The following AUTS2 variants were observed in gnomAD, a reference collection of about 807,000 sequenced individuals.
AUTS2 encodes the protein activator of transcription and developmental regulator AUTS2.
A neutral mutation model predicts 112.4 loss-of-function variants in AUTS2; 17 were observed. The observed-to-expected ratio is 0.15, with a 90% CI of 0.10 to 0.23. The LOEUF (loss-of-function observed/expected upper bound fraction) is 0.23, where lower values mean the gene tolerates loss of function less well. Among genes scored for constraint, AUTS2 ranks in the 10% least tolerant of loss-of-function variants. The probability of loss-of-function intolerance (pLI) is 1.00; values close to 1 mark genes in which losing one functional copy is unlikely to be tolerated. For synonymous variants in AUTS2, 751 were observed against 702.7 expected, an observed-to-expected ratio of 1.07 and a Z score of -1.09; for missense variants, 1,510 against 1,701.6, an observed-to-expected ratio of 0.89 and a Z score of 1.98.
intron 10 of AUTS2, among the ~76,000 whole-genome samples, chr7:70,770,938 T>C (rs1220229969): frequency 6.6e-6 from 1 of 152,200 alleles, no homozygotes; most frequent in Non-Finnish European, 1.5e-5. Context: ...CGAGTCGTTT[T>C]ATTTTACCCT....
At chr7:70,698,419 C>A in intron 5 of AUTS2, 150 bp from the exon 6 acceptor site, 1 of 633,472 alleles carries the variant, frequency 1.6e-6, no homozygotes, top group Non-Finnish European at 2.7e-6. Flanking sequence ...AGTCAACTAG[C>A]ACCACCTTAT....
rs533738605 is a variant in AUTS2, at chr7:70,273,617, C to T, written c.660+139046C>T. The stretch of plus-strand genomic sequence containing the variant: ...ATCAAGTATAGTCACTTAATTGACA[C>T]GTGCAGTTTTAAAAATTATAGTCAC... On this transcript the variant is annotated intron_variant, in intron 4 of 18. Transcript: ENST00000342771. 3.3e-5 allele frequency among the ~76,000 whole-genome samples: 5 copies of T among 152,050 alleles called. No individual in the cohort carries two copies. In the South Asian group the frequency reaches 6.2e-4, roughly 19 times the overall value.
At chr7:69,783,088 C>CTTT (rs398047755) in intron 1 of AUTS2, among the ~76,000 whole-genome samples, 91 of 85,020 alleles carry the variant, frequency 1.1e-3, no homozygotes, top group Middle Eastern at 8.9e-3. Flanking sequence ...TGCTGCTCAT[C>CTTT]TTTTTTTTTT....
chr7:69,699,258 A>G (rs901114901), intron 1 of AUTS2, among the ~76,000 whole-genome samples: 1 of 152,186 alleles, frequency 6.6e-6, no homozygotes. Context: ...ATTAAGAAGT[A>G]TATAGAGGAA....
intron 4 of AUTS2, among the ~76,000 whole-genome samples, chr7:70,260,461 T>C (rs1787108362): frequency 2.0e-5 from 3 of 152,012 alleles, no homozygotes; most frequent in Admixed American, 2.0e-4. Flanking sequence ...GGGCTGGGGC[T>C]GCATCTGGTG....
At chr7:69,833,147 A>G (rs555136063) in intron 1 of AUTS2, among the ~76,000 whole-genome samples, 1 of 152,158 alleles carries the variant, frequency 6.6e-6, no homozygotes, top group South Asian at 2.1e-4. Flanking sequence ...GTGGTATGGT[A>G]GGTCTGGAAA....
chr7:69,999,448 T>C (rs991058035), intron 2 of AUTS2, among the ~76,000 whole-genome samples: 6 of 152,210 alleles, frequency 3.9e-5, no homozygotes, highest in Non-Finnish European at 8.8e-5. Flanking sequence ...AAAAAGGATA[T>C]GACTAACACA....
chr7:70,399,755 AT>A (rs781631721), intron 4 of AUTS2, among the ~76,000 whole-genome samples: 13,943 of 116,484 alleles, frequency 0.12, 723 homozygotes, highest in Middle Eastern at 0.22. Context: ...GGGTAAAAAA[AT>A]AAAATAAAAT....
intron 2 of AUTS2, among the ~76,000 whole-genome samples, chr7:69,940,322 G>A (rs1372446572): frequency 6.6e-6 from 1 of 152,200 alleles, no homozygotes; most frequent in African/African-American, 2.4e-5. Context: ...GGAAGAGGAA[G>A]GCTGGGAAGG....
At chr7:70,030,606 G>A (rs539237264) in intron 2 of AUTS2, among the ~76,000 whole-genome samples, 1 of 152,128 alleles carries the variant, frequency 6.6e-6, no homozygotes, top group East Asian at 1.9e-4. Context: ...AATTAGACAA[G>A]GACTAGCCTT....
chr7:70,103,815 C>G (rs1186122035), intron 2 of AUTS2, among the ~76,000 whole-genome samples: 1 of 151,400 alleles, frequency 6.6e-6, no homozygotes, highest in Admixed American at 6.6e-5. Context: ...GAGGCTGAGG[C>G]AGGAGAATCG....
At chr7:69,839,614 A>G (rs1791882714) in intron 1 of AUTS2, among the ~76,000 whole-genome samples, 1 of 152,186 alleles carries the variant, frequency 6.6e-6, no homozygotes, top group Admixed American at 6.5e-5. Flanking sequence ...TTAGAGAGTT[A>G]CAAGAAAACC....
At chr7:70,605,546 C>CTTTTTTTTTTT in intron 5 of AUTS2, among the ~76,000 whole-genome samples, 51 of 70,656 alleles carry the variant, frequency 7.2e-4, no homozygotes, top group East Asian at 1.9e-3. Context: ...CCTTCTTTCT[C>CTTTTTTTTTTT]TTTTTTTTTT....
In AUTS2 at chr7:70,760,252, G is replaced by A. The variant is rs573725207; in HGVS notation, c.743-2618G>A. 1.7e-4 allele frequency among the ~76,000 whole-genome samples: 26 copies of A among 152,280 alleles called. No homozygotes were observed. In the East Asian group the frequency reaches 3.1e-3, roughly 18 times the overall value. On this transcript the variant is annotated intron_variant, in intron 6 of 18. Transcript: ENST00000342771. ...GATCTCCTGACCTCGTGATCCGCCC[G>A]CCTTGGCCTCCCAAAGTGCTGGGAT...
chr7:70,778,975 C>T (rs1390151153), intron 14 of AUTS2, among the ~76,000 whole-genome samples: 2 of 152,166 alleles, frequency 1.3e-5, no homozygotes, highest in Non-Finnish European at 2.9e-5. Context: ...CTTTCATTAT[C>T]CCAATTCAAT....
rs978507633 is a variant in AUTS2, at chr7:70,741,417, C to A, written c.743-21453C>A. On this transcript the variant is annotated intron_variant, in intron 6 of 18. Transcript: ENST00000342771. ...ATGGTTAAGAAATAAATAGGCCGGG[C>A]GCGGTGGCTTACGCCTGTAATTCCA... 2.6e-5 allele frequency among the ~76,000 whole-genome samples: 4 copies of A among 151,782 alleles called. No homozygotes were observed. In the East Asian group the frequency reaches 5.8e-4, roughly 22 times the overall value.
At chr7:69,631,940 C>G (rs1483282679) in intron 1 of AUTS2, among the ~76,000 whole-genome samples, 1 of 152,180 alleles carries the variant, frequency 6.6e-6, no homozygotes, top group Non-Finnish European at 1.5e-5. Flanking sequence ...CCTCTTCTCT[C>G]TAAGTTGTAC....
chr7:70,652,667 T>C (rs1290130098), intron 5 of AUTS2, among the ~76,000 whole-genome samples: 1 of 152,176 alleles, frequency 6.6e-6, no homozygotes, highest in African/African-American at 2.4e-5. Flanking sequence ...GGAGGATCAT[T>C]TGAACCCAGG....
intron 5 of AUTS2, among the ~76,000 whole-genome samples, chr7:70,607,902 C>T (rs888328532): frequency 1.3e-5 from 2 of 152,254 alleles, no homozygotes; most frequent in East Asian, 1.9e-4. Flanking sequence ...CAAGGAACTG[C>T]ACATGTGGAA....
Sources: allele counts gnomAD v4.1 joint callset (sites outside exome capture counted in the v4.1 genomes callset), GRCh38; gene constraint gnomAD v4.1.1; transcripts MANE v1.5; gene names NCBI Gene and HGNC (gene_info 2026-07-23, HGNC 2026-07-21).